PLOD2: variants seen among roughly 807,000 people sequenced by gnomAD.
PLOD2 encodes lysine hydroxylase 2.
In PLOD2, 65 loss-of-function variants were observed where a neutral mutation model predicts 101.0. The ratio of observed to expected loss-of-function variants is 0.64; its 90% confidence interval spans 0.53 to 0.79. The LOEUF is 0.79. Ranked by LOEUF, PLOD2 falls within the 30% of genes least tolerant of loss-of-function variation. PLOD2 has a pLI of 0.00. For missense variants in PLOD2, 909 were observed against 914.6 expected (o/e 0.99, Z 0.08); for synonymous variants, 314 against 302.9 (o/e 1.04, Z -0.38).
intron 1 of PLOD2, among the ~76,000 whole-genome samples, chr3:146,129,575 GAGTT>G (rs1274242206): frequency 6.6e-6 from 1 of 152,096 alleles, no homozygotes; most frequent in Non-Finnish European, 1.5e-5. Flanking sequence ...AGAGTAAAAT[GAGTT>G]AGTATATATA....
chr3:146,071,240 G>A, intron 18 of PLOD2, 37 bp downstream of exon 18: 2 of 1,611,252 alleles, frequency 1.2e-6, no homozygotes, highest in Non-Finnish European at 1.7e-6. Flanking sequence ...TGTAAAAATG[G>A]GTAAGAAATA....
chr3:146,135,270 T>C (rs2031166142), intron 1 of PLOD2, among the ~76,000 whole-genome samples: 1 of 152,152 alleles, frequency 6.6e-6, no homozygotes, highest in Admixed American at 6.5e-5. Context: ...GTTCTACGAG[T>C]TGAAGTTGCT....
intron 1 of PLOD2, among the ~76,000 whole-genome samples, chr3:146,141,526 CA>C (rs2108125358): frequency 6.6e-6 from 1 of 152,206 alleles, no homozygotes; most frequent in African/African-American, 2.4e-5. Context: ...AAATACTCCT[CA>C]AAGGGCTTTC....
Position 146,129,341 on chromosome 3 carries a change from T to C in PLOD2, c.110-5112A>G, listed in dbSNP as rs187640119. Among the ~76,000 whole-genome samples the C allele has an allele frequency of 2.8e-3, 423 of 152,254 alleles. 2 individuals carry two copies. Among genetic ancestry groups the C allele is most frequent in the African/African-American group, 9.7e-3 (404 of 41,578 alleles). ...CTTTTAAAAATGTAAAAAACATTTG[T>C]AGTTGTCTGGCTGGCTGTGCAAAAA... On this transcript the variant is annotated intron_variant, in intron 1 of 19. Coordinates refer to ENST00000282903, the MANE Select transcript of PLOD2 (RefSeq NM_182943.3).
intron 1 of PLOD2, among the ~76,000 whole-genome samples, chr3:146,140,300 A>G (rs1204121178): frequency 6.6e-6 from 1 of 152,098 alleles, no homozygotes; most frequent in East Asian, 1.9e-4. Flanking sequence ...CCTCTACATT[A>G]CAGAGACAAA....
chr3:146,157,126 G>A (rs1230897854), intron 1 of PLOD2, among the ~76,000 whole-genome samples: 1 of 152,136 alleles, frequency 6.6e-6, no homozygotes, highest in Admixed American at 6.5e-5. Context: ...AGTGAATTCA[G>A]ATAAAGTTCT....
chr3:146,097,114 C>A (rs1204997685), intron 7 of PLOD2, among the ~76,000 whole-genome samples: 1 of 147,200 alleles, frequency 6.8e-6, no homozygotes, highest in Non-Finnish European at 1.5e-5. Flanking sequence ...GTCGCCCTGT[C>A]CAGGAGGGAG....
In PLOD2 at chr3:146,070,242, C is replaced by T. The variant is rs998981390; in HGVS notation, c.*475G>A. 13 of 153,436 alleles carry T rather than the reference C, an allele frequency of 8.5e-5. No individual in the cohort carries two copies. The highest frequency in any genetic ancestry group is 2.9e-4 in the African/African-American group (12 of 41,412). The allele number at this position is 153,436 out of a possible 1,614,324, so 9.5% of individuals were successfully genotyped here. A position where few individuals can be genotyped will look rare whatever the true frequency, so the allele number is the denominator to read the frequency against. The stretch of plus-strand genomic sequence containing the variant: ...ACCTGCATAGGTGTTCAGAAAAATA[C>T]TTAGTTGCATACAAATCCAGTTAGA... On this transcript the variant is annotated 3_prime_UTR_variant, in exon 20 of 20. Coordinates refer to ENST00000282903, the MANE Select transcript of PLOD2 (RefSeq NM_182943.3).
At chr3:146,113,784 G>GA (rs974245208) in intron 3 of PLOD2, among the ~76,000 whole-genome samples, 1 of 152,116 alleles carries the variant, frequency 6.6e-6, no homozygotes, top group African/African-American at 2.4e-5. Context: ...TGGGCACCTT[G>GA]AAAAAAGAAC....
intron 6 of PLOD2, 43 bp from the exon 7 acceptor site, chr3:146,102,895 G>T (rs373434751): frequency 1.0e-6 from 1 of 981,654 alleles, no homozygotes; most frequent in East Asian, 2.4e-5. Context: ...TTTAAAATAC[G>T]TGTGTGTGTG....
intron 1 of PLOD2, among the ~76,000 whole-genome samples, chr3:146,158,255 A>G (rs1356405176): frequency 6.6e-6 from 1 of 152,182 alleles, no homozygotes; most frequent in African/African-American, 2.4e-5. Context: ...GAAAGCTCCC[A>G]TAAGGATATA....
chr3:146,131,703 A>G (rs2030921181), intron 1 of PLOD2, among the ~76,000 whole-genome samples: 2 of 152,060 alleles, frequency 1.3e-5, no homozygotes, highest in South Asian at 4.2e-4. Context: ...ATCTAAGACA[A>G]CTCGGGATTC....
At chr3:146,114,222 T>C (rs969027478) in intron 3 of PLOD2, among the ~76,000 whole-genome samples, 8 of 146,744 alleles carry the variant, frequency 5.5e-5, no homozygotes, top group African/African-American at 2.0e-4. Context: ...TTTGCCCCCA[T>C]TTGCCTTGTG....
Position 146,079,210 on chromosome 3 carries a change from C to T in PLOD2, c.1406G>A (p.Gly469Glu), listed in dbSNP as rs964199801. Residue 469 changes from glycine (G) to glutamate (E), a missense_variant, in exon 13 of 20, where the codon GGA (glycine) becomes GAA (glutamate). Physicochemically the swap from Gly to Glu is moderately conservative, Grantham distance 98. Transcript: ENST00000282903. ...ATTCATCTCTGATCGGAGTGTCTTT[C>T]CTTTAATTAAGTACACATTAGCCAT... ...PYMANVYLIK[G>E]KTLRSEMNER... 1.2e-6 allele frequency: 2 copies of T among 1,610,406 alleles called. No homozygotes were observed. Among genetic ancestry groups the T allele is most frequent in the Admixed American group, 1.7e-5 (1 of 59,942 alleles).
chr3:146,152,498 C>T (rs1457428920), intron 1 of PLOD2, among the ~76,000 whole-genome samples: 1 of 152,058 alleles, frequency 6.6e-6, no homozygotes, highest in Admixed American at 6.6e-5. Context: ...TGTAATATGT[C>T]CCTAAGAAAT....
At chr3:146,100,322 T>C (rs145703769) in intron 7 of PLOD2, among the ~76,000 whole-genome samples, 62 of 152,318 alleles carry the variant, frequency 4.1e-4, no homozygotes, top group African/African-American at 1.4e-3. Context: ...GCTACACATG[T>C]GCTGGACCCT....
chr3:146,096,213 C>T (rs1004702169), intron 7 of PLOD2, among the ~76,000 whole-genome samples: 1 of 135,790 alleles, frequency 7.4e-6, no homozygotes, highest in South Asian at 2.6e-4. Context: ...GGCTGGAGTG[C>T]AGTGGCGTGA....
At chr3:146,133,049 A>G (rs1359370573) in intron 1 of PLOD2, among the ~76,000 whole-genome samples, 2 of 152,106 alleles carry the variant, frequency 1.3e-5, no homozygotes, top group Non-Finnish European at 1.5e-5. Context: ...GGTGGCTGGC[A>G]CCTGTAGTCC....
At chr3:146,151,749 C>G (rs1477545166) in intron 1 of PLOD2, among the ~76,000 whole-genome samples, 1 of 152,066 alleles carries the variant, frequency 6.6e-6, no homozygotes, top group Non-Finnish European at 1.5e-5. Flanking sequence ...AATTTCAATA[C>G]AGAACAGGAA....
Sources: gnomAD v4.1 joint callset for allele counts (sites outside exome capture counted in the v4.1 genomes callset) on GRCh38, gnomAD v4.1.1 for gene constraint, MANE v1.5 for transcripts, NCBI Gene and HGNC (gene_info 2026-07-23, HGNC 2026-07-21) for gene names.